Variants in BORCS5 observed in about 807,000 individuals in gnomAD.
BORCS5 encodes BLOC-1-related complex subunit 5.
Under a neutral mutation model 22.1 loss-of-function variants are expected in BORCS5, and 17 were observed. The observed-to-expected ratio is 0.77, with a 90% CI of 0.53 to 1.15. The LOEUF (loss-of-function observed/expected upper bound fraction) is 1.15, where lower values mean the gene tolerates loss of function less well. BORCS5 is among the 50% of genes most tolerant of loss of function. BORCS5 has a pLI of 0.00. For missense variants in BORCS5, 247 were observed against 253.2 expected (o/e 0.98, Z 0.17); for synonymous variants, 117 against 99.8 (o/e 1.17, Z -1.03).
intron 2 of BORCS5, among the ~76,000 whole-genome samples, chr12:12,394,394 A>T (rs1220042906): frequency 6.6e-6 from 1 of 151,986 alleles, no homozygotes; most frequent in Non-Finnish European, 1.5e-5. Flanking sequence ...CTGTTATTAA[A>T]ATACACAGGA....
chr12:12,364,404 A>G (rs1863360898), intron 2 of BORCS5, among the ~76,000 whole-genome samples: 1 of 152,144 alleles, frequency 6.6e-6, no homozygotes, highest in Admixed American at 6.6e-5. Flanking sequence ...GAGAAAGTAT[A>G]TTAACTATTC....
intron 2 of BORCS5, among the ~76,000 whole-genome samples, chr12:12,414,244 G>T: frequency 1.3e-5 from 1 of 74,974 alleles, no homozygotes. Flanking sequence ...GGGGCGGCTG[G>T]CCGGGCAGAG....
intron 2 of BORCS5, among the ~76,000 whole-genome samples, chr12:12,384,745 C>G (rs1207325265): frequency 1.3e-5 from 2 of 151,172 alleles, no homozygotes; most frequent in Non-Finnish European, 3.0e-5. Flanking sequence ...TCTCAGATTT[C>G]TGTGGGTCAG....
At chr12:12,457,561 C>A (rs1033406871) in intron 3 of BORCS5, among the ~76,000 whole-genome samples, 2 of 152,048 alleles carry the variant, frequency 1.3e-5, no homozygotes, top group Non-Finnish European at 2.9e-5. Context: ...CCCAGCTACG[C>A]GGGAGGCTGA....
In BORCS5 at chr12:12,470,466, G is replaced by T. The variant is rs940877874; in HGVS notation, c.*4690G>T. 6.6e-6 allele frequency among the ~76,000 whole-genome samples: 1 copy of T among 152,110 alleles called. No homozygotes were observed. Among genetic ancestry groups the T allele is most frequent in the South Asian group, 2.1e-4 (1 of 4,816 alleles). ...CCCAGCATTAGACTCCCCTAAGAGC[G>T]TGAACCCTATTGTGAACTGCGCACG... On this transcript the variant is annotated 3_prime_UTR_variant, in exon 4 of 4. Coordinates refer to ENST00000314565, the MANE Select transcript of BORCS5 (RefSeq NM_058169.6).
intron 2 of BORCS5, among the ~76,000 whole-genome samples, chr12:12,423,725 G>T (rs1408911449): frequency 6.6e-6 from 1 of 151,774 alleles, no homozygotes. Flanking sequence ...GTCTCAGTCT[G>T]TCACCCAGGC....
At chr12:12,376,268 C>G (rs1353445112) in intron 2 of BORCS5, among the ~76,000 whole-genome samples, 3 of 146,760 alleles carry the variant, frequency 2.0e-5, no homozygotes, top group Non-Finnish European at 4.5e-5. Flanking sequence ...GAGTCTCACT[C>G]TGTTGCCCAG....
rs1943165922 is a variant in BORCS5 at position 12,464,594 on chromosome 12, G to A, written c.361-952G>A. On this transcript the variant is annotated intron_variant, in intron 3 of 3. Transcript: ENST00000314565. The stretch of plus-strand genomic sequence containing the variant: ...TAGTTGAGCTGTTTTCTCCTGGCCT[G>A]GGAAAGAAACAAGGGGTGAGGGGGT... 2.0e-5 allele frequency among the ~76,000 whole-genome samples: 3 copies of A among 152,082 alleles called. 1 individual carries two copies. The South Asian group carries it at 6.2e-4, about 31-fold the overall frequency.
At position 12,357,517 on chromosome 12, in the gene BORCS5, T is replaced by C. The variant is rs761662662; in HGVS notation, c.58+8T>C. 2 of 1,603,820 alleles carry C rather than the reference T, an allele frequency of 1.2e-6. No individual in the cohort carries two copies. The highest frequency in any genetic ancestry group is 1.7e-6 in the Non-Finnish European group (2 of 1,171,922). On this transcript the variant is annotated splice_region_variant and intron_variant, in intron 1 of 3. Coordinates refer to ENST00000314565, the MANE Select transcript of BORCS5 (RefSeq NM_058169.6). ...ACGATCTGAACTCCTCAGGTCGGTG[T>C]CCTAACCTCCCACCCTCCTCCAGCC...
chr12:12,358,749 G>A lies in BORCS5; in HGVS notation c.58+1240G>A, dbSNP rs190905425. On this transcript the variant is annotated intron_variant, in intron 1 of 3. Transcript: ENST00000314565. Reference sequence around the variant, plus strand: ...GATAAAGTAGTAGAGGTTAGCTAGAGTGTTTTGAAGTCCCCTTTCCTCTGG... The same window carrying A: ...GATAAAGTAGTAGAGGTTAGCTAGAATGTTTTGAAGTCCCCTTTCCTCTGG... Among the ~76,000 whole-genome samples, 21 of 152,328 alleles carry A rather than the reference G, an allele frequency of 1.4e-4. No individual in the cohort carries two copies. In the East Asian group the frequency reaches 3.3e-3, roughly 24 times the overall value.
Position 12,360,531 on chromosome 12 carries a change from A to G in BORCS5, c.59-675A>G, listed in dbSNP as rs572727435. On this transcript the variant is annotated intron_variant, in intron 1 of 3. Coordinates refer to ENST00000314565, the MANE Select transcript of BORCS5 (RefSeq NM_058169.6). ...CTCAGCTTCCTGAGTAGCTGGGACT[A>G]CAGTGTGCACCACCACATCTGACTA... Among the ~76,000 whole-genome samples, 6 of 148,264 alleles carry G rather than the reference A, an allele frequency of 4.0e-5. No homozygotes were observed. The East Asian group carries it at 1.0e-3, about 25-fold the overall frequency.
At chr12:12,396,065 G>A (rs1416565121) in intron 2 of BORCS5, among the ~76,000 whole-genome samples, 1 of 152,002 alleles carries the variant, frequency 6.6e-6, no homozygotes, top group Non-Finnish European at 1.5e-5. Flanking sequence ...CACCATCTCG[G>A]CTCACTCCGC....
chr12:12,435,567 C>A, intron 2 of BORCS5, 61 bp from the exon 3 acceptor site: 1 of 1,427,570 alleles, frequency 7.0e-7, no homozygotes, highest in Non-Finnish European at 9.7e-7. Flanking sequence ...TGTTAAACTA[C>A]TTTATTCACA....
At chr12:12,370,626 G>A (rs956698185) in intron 2 of BORCS5, among the ~76,000 whole-genome samples, 10 of 152,234 alleles carry the variant, frequency 6.6e-5, no homozygotes, top group African/African-American at 2.4e-4. Context: ...TCAAATCAGT[G>A]CGGGAACAGT....
intron 2 of BORCS5, among the ~76,000 whole-genome samples, chr12:12,362,024 C>G (rs1803543176): frequency 1.3e-5 from 2 of 152,192 alleles, no homozygotes; most frequent in African/African-American, 4.8e-5. Flanking sequence ...CTTCAGTTCT[C>G]TCCTCCCTCA....
chr12:12,388,528 G>A (rs923791088), intron 2 of BORCS5, among the ~76,000 whole-genome samples: 1 of 151,350 alleles, frequency 6.6e-6, no homozygotes, highest in African/African-American at 2.4e-5. Context: ...TTTTTTGGAT[G>A]TGGTCTTCCA....
chr12:12,462,769 G>T (rs1421821856), intron 3 of BORCS5, among the ~76,000 whole-genome samples: 1 of 152,090 alleles, frequency 6.6e-6, no homozygotes, highest in Non-Finnish European at 1.5e-5. Context: ...CGATTCTCCT[G>T]CCTCAGCCTC....
intron 2 of BORCS5, among the ~76,000 whole-genome samples, chr12:12,428,363 T>C (rs1942340389): frequency 6.6e-6 from 1 of 152,272 alleles, no homozygotes; most frequent in South Asian, 2.1e-4. Context: ...GATGGTAGTT[T>C]GCTGGATCTC....
intron 3 of BORCS5, among the ~76,000 whole-genome samples, chr12:12,459,646 G>T (rs75490103): frequency 6.6e-6 from 1 of 152,132 alleles, no homozygotes; most frequent in Non-Finnish European, 1.5e-5. Context: ...TTTTCTTCTA[G>T]AAGTTTTATA....
Sources: gnomAD v4.1 joint callset for allele counts (sites outside exome capture counted in the v4.1 genomes callset) on GRCh38, gnomAD v4.1.1 for gene constraint, MANE v1.5 for transcripts, NCBI Gene and HGNC (gene_info 2026-07-23, HGNC 2026-07-21) for gene names.